FNIP1: variants seen among roughly 807,000 people sequenced by gnomAD.
FNIP1 encodes folliculin interacting protein 1, also known as folliculin-interacting protein 1.
Under a neutral mutation model 124.5 loss-of-function variants are expected in FNIP1, and 40 were observed. The observed-to-expected ratio is 0.32, with a 90% CI of 0.25 to 0.42. FNIP1 has a LOEUF of 0.42. FNIP1 is among the 10% of genes least tolerant of loss of function. The pLI, the probability that FNIP1 is intolerant of heterozygous loss-of-function variation, is 1.00. For synonymous variants in FNIP1, 472 were observed against 470.6 expected, an observed-to-expected ratio of 1.00 and a Z score of -0.04; for missense variants, 1,176 against 1,403.7, an observed-to-expected ratio of 0.84 and a Z score of 2.59.
intron 1 of FNIP1, among the ~76,000 whole-genome samples, chr5:131,784,404 T>C (rs1772093123): frequency 1.3e-5 from 2 of 152,156 alleles, no homozygotes; most frequent in African/African-American, 4.8e-5. Context: ...CAACCAAAAA[T>C]TCTAATATTG....
chr5:131,645,379 A>G (rs1163370533), intron 17 of FNIP1, among the ~76,000 whole-genome samples: 1 of 152,166 alleles, frequency 6.6e-6, no homozygotes, highest in Non-Finnish European at 1.5e-5. Context: ...TTCTATAATA[A>G]GATGTATTGG....
At chr5:131,789,189 C>T (rs1409566700) in intron 1 of FNIP1, among the ~76,000 whole-genome samples, 1 of 152,110 alleles carries the variant, frequency 6.6e-6, no homozygotes, top group African/African-American at 2.4e-5. Context: ...CATGTCCTCA[C>T]TCACATTTAG....
intron 1 of FNIP1, chr5:131,796,309 G>T (rs75595617): frequency 1.3e-5 from 2 of 154,070 alleles, no homozygotes; most frequent in African/African-American, 4.8e-5. Flanking sequence ...CTGAAAGAAC[G>T]GCACGTTGCC....
At chr5:131,742,457 T>C (rs1393187816) in intron 2 of FNIP1, among the ~76,000 whole-genome samples, 3 of 152,172 alleles carry the variant, frequency 2.0e-5, no homozygotes, top group Non-Finnish European at 4.4e-5. Context: ...AGCGAGACCC[T>C]GTCTCAAGAA....
chr5:131,704,120 G>GA lies in FNIP1; in HGVS notation c.1060dup (p.Ser354PhefsTer7). ...GTGGCTTTCAAAGAGAGGAAAATGT[G>GA]AAAAAAAGAATTCATTAAATTTGTT... is the stretch of plus-strand genomic sequence containing the variant. On this transcript the variant is annotated frameshift_variant, in exon 10 of 18. Coordinates refer to ENST00000510461, the MANE Select transcript of FNIP1 (RefSeq NM_133372.3). LOFTEE classifies it high-confidence loss of function. 6.2e-7 allele frequency: 1 copy of GA among 1,612,572 alleles called. No homozygotes were observed. Among genetic ancestry groups the GA allele is most frequent in the Non-Finnish European group, 8.5e-7 (1 of 1,179,002 alleles).
intron 1 of FNIP1, among the ~76,000 whole-genome samples, chr5:131,754,400 C>G (rs1056852225): frequency 2.0e-5 from 3 of 152,122 alleles, no homozygotes; most frequent in Non-Finnish European, 4.4e-5. Context: ...AAACGACATA[C>G]AATAAATAAT....
intron 2 of FNIP1, among the ~76,000 whole-genome samples, chr5:131,733,262 T>C (rs191349325): frequency 1.1e-3 from 174 of 152,368 alleles, no homozygotes; most frequent in Non-Finnish European, 1.2e-3. Context: ...TACACAATCA[T>C]GTCATCTGCA....
intron 2 of FNIP1, among the ~76,000 whole-genome samples, chr5:131,738,756 T>G (rs1770405360): frequency 6.6e-6 from 1 of 151,356 alleles, no homozygotes; most frequent in African/African-American, 2.4e-5. Flanking sequence ...TCCACCCTCC[T>G]CAGCCTTTCA....
intron 15 of FNIP1, among the ~76,000 whole-genome samples, chr5:131,653,205 T>C (rs1365364559): frequency 6.6e-6 from 1 of 151,794 alleles, no homozygotes; most frequent in Non-Finnish European, 1.5e-5. Flanking sequence ...CATCAAAATA[T>C]ACTAACAGGG....
chr5:131,741,024 T>C (rs1357887789), intron 2 of FNIP1, among the ~76,000 whole-genome samples: 1 of 152,174 alleles, frequency 6.6e-6, no homozygotes, highest in African/African-American at 2.4e-5. Context: ...TTGTTTAGCA[T>C]ACAATCAAGA....
At chr5:131,729,740 G>A (rs1019923914) in intron 3 of FNIP1, among the ~76,000 whole-genome samples, 3 of 151,658 alleles carry the variant, frequency 2.0e-5, no homozygotes, top group Non-Finnish European at 4.4e-5. Flanking sequence ...ACCACACACA[G>A]CTAATTTTTT....
chr5:131,776,658 C>T (rs1382796065), intron 1 of FNIP1, among the ~76,000 whole-genome samples: 1 of 152,176 alleles, frequency 6.6e-6, no homozygotes, highest in Non-Finnish European at 1.5e-5. Flanking sequence ...CTTGCTTCCA[C>T]ATCACATATA....
In FNIP1 at chr5:131,796,818, A is replaced by T. The variant is rs1348781205; in HGVS notation, c.92+12T>A. The stretch of plus-strand genomic sequence containing the variant: ...CCATCGGCTCCGCGACCCCCGCCCC[A>T]CAGCGCCCTACCTGAACCCGCAATC... On this transcript the variant is annotated intron_variant, in intron 1 of 17. Transcript: ENST00000510461. 5 of 1,567,558 alleles carry T rather than the reference A, an allele frequency of 3.2e-6. No individual in the cohort carries two copies. Among genetic ancestry groups the T allele is most frequent in the Non-Finnish European group, 3.5e-6 (4 of 1,157,356 alleles).
At chr5:131,787,224 A>T (rs1772245926) in intron 1 of FNIP1, among the ~76,000 whole-genome samples, 3 of 152,186 alleles carry the variant, frequency 2.0e-5, no homozygotes, top group Admixed American at 6.5e-5. Context: ...CGAGTTTAGG[A>T]CTTTTGCTGA....
chr5:131,784,609 C>G (rs567489115), intron 1 of FNIP1, among the ~76,000 whole-genome samples: 3 of 151,836 alleles, frequency 2.0e-5, no homozygotes, highest in Admixed American at 2.0e-4. Context: ...CTGTTTGAGC[C>G]CAGGAGTTCG....
At chr5:131,766,610 T>C (rs951497508) in intron 1 of FNIP1, among the ~76,000 whole-genome samples, 10 of 152,068 alleles carry the variant, frequency 6.6e-5, no homozygotes, top group Non-Finnish European at 1.5e-4. Context: ...GCTCATGAGA[T>C]TACAGAGGCT....
At position 131,757,171 on chromosome 5, in the gene FNIP1, G is replaced by A. The variant is rs1400701744; in HGVS notation, c.93-12481C>T. Among the ~76,000 whole-genome samples, 3 of 152,270 alleles carry A rather than the reference G, an allele frequency of 2.0e-5. No individual in the cohort carries two copies. In the East Asian group the frequency reaches 5.8e-4, roughly 29 times the overall value. On this transcript the variant is annotated intron_variant, in intron 1 of 17. Transcript: ENST00000510461. Reference sequence around the variant, plus strand: ...GAAGTTAAAGCACAAGTCTGAATAAGGATATGAGAGATCAAAGGATATGAA... The same window carrying A: ...GAAGTTAAAGCACAAGTCTGAATAAAGATATGAGAGATCAAAGGATATGAA...
intron 11 of FNIP1, among the ~76,000 whole-genome samples, chr5:131,691,276 A>G (rs1768471307): frequency 6.6e-6 from 1 of 152,264 alleles, no homozygotes; most frequent in South Asian, 2.1e-4. Flanking sequence ...ATCTTGAAAG[A>G]AATTTTAAAA....
chr5:131,782,170 A>G (rs1182943309), intron 1 of FNIP1, among the ~76,000 whole-genome samples: 1 of 152,144 alleles, frequency 6.6e-6, no homozygotes, highest in Non-Finnish European at 1.5e-5. Context: ...AGAAAAATAA[A>G]AAGAAGGAAA....
Sources: allele counts gnomAD v4.1 joint callset (sites outside exome capture counted in the v4.1 genomes callset), GRCh38; gene constraint gnomAD v4.1.1; transcripts MANE v1.5; gene names NCBI Gene and HGNC (gene_info 2026-07-23, HGNC 2026-07-21).